FA2H: variants seen among roughly 807,000 people sequenced by gnomAD.
FA2H encodes fatty acid 2-hydroxylase.
In FA2H, 22 loss-of-function variants were observed where a neutral mutation model predicts 44.9. The ratio of observed to expected loss-of-function variants is 0.49; its 90% CI spans 0.35 to 0.70. The LOEUF (loss-of-function observed/expected upper bound fraction) is 0.70, where lower values mean the gene tolerates loss of function less well. Among genes scored for constraint, FA2H ranks in the 30% least tolerant of loss-of-function variants. FA2H has a pLI of 0.01. For synonymous variants in FA2H, 243 were observed against 213.2 expected, an observed-to-expected ratio of 1.14 and a Z score of -1.22; for missense variants, 501 against 504.9, an observed-to-expected ratio of 0.99 and a Z score of 0.07.
Position 74,726,231 on chromosome 16 carries a change from T to A in FA2H, c.607A>T (p.Thr203Ser). ...GGAAAGAAACTGGCATTACCTGTTG[T>A]AAATGACGTGAAGAGTCGGACGTTG... The part of the protein sequence containing the change: ...QGNVRLFTSF[T>S]TEYTVAVPKS... The change falls in exon 4 of 7, where the codon ACA (threonine) becomes TCA (serine). Residue 203 changes from threonine (T) to serine (S), a missense_variant. Thr to Ser is a moderately conservative substitution (Grantham distance 58). Transcript: ENST00000219368. 1 of 1,611,164 alleles carries A rather than the reference T, an allele frequency of 6.2e-7. No homozygotes were observed. Among genetic ancestry groups the A allele is most frequent in the Non-Finnish European group, 8.5e-7 (1 of 1,177,482 alleles).
At chr16:74,741,808 A>ATATATATATGTGTGTGTGTGTGTGTGTG (rs1491185782) in intron 1 of FA2H, among the ~76,000 whole-genome samples, 1 of 48,418 alleles carries the variant, frequency 2.1e-5, no homozygotes, top group African/African-American at 1.1e-4. Flanking sequence ...ATATATATAT[A>ATATATATATGTGTGTGTGTGTGTGTGTG]TGTGTGTGTG....
chr16:74,723,665 T>C (rs1485615388), intron 4 of FA2H, among the ~76,000 whole-genome samples: 1 of 152,132 alleles, frequency 6.6e-6, no homozygotes, highest in Non-Finnish European at 1.5e-5. Flanking sequence ...TGAGAGACCC[T>C]GCTTCCAGAG....
At chr16:74,753,264 A>C (rs1962559372) in intron 1 of FA2H, among the ~76,000 whole-genome samples, 1 of 152,244 alleles carries the variant, frequency 6.6e-6, no homozygotes, top group Non-Finnish European at 1.5e-5. Context: ...CTTAGGCTCC[A>C]GATCCTAGAC....
intron 2 of FA2H, among the ~76,000 whole-genome samples, chr16:74,734,809 C>T (rs576417215): frequency 3.3e-5 from 5 of 152,290 alleles, no homozygotes; most frequent in East Asian, 1.9e-4. Context: ...CGGGGGCAGG[C>T]GGCGGGGGCA....
chr16:74,732,551 C>T (rs1423409239), intron 2 of FA2H, among the ~76,000 whole-genome samples: 5 of 151,974 alleles, frequency 3.3e-5, no homozygotes, highest in African/African-American at 1.2e-4. Flanking sequence ...ATTCTCCTGC[C>T]TCAGCCTCCT....
intron 4 of FA2H, among the ~76,000 whole-genome samples, chr16:74,725,654 G>A (rs1012153585): frequency 1.3e-5 from 2 of 152,196 alleles, no homozygotes; most frequent in South Asian, 2.1e-4. Flanking sequence ...CTGCTGGGAG[G>A]GGTAAATGAG....
intron 1 of FA2H, among the ~76,000 whole-genome samples, chr16:74,748,661 C>T (rs901952071): frequency 6.6e-6 from 1 of 152,078 alleles, no homozygotes; most frequent in Non-Finnish European, 1.5e-5. Context: ...TTTGCTTGGA[C>T]GGCGCACGGG....
chr16:74,734,499 G>A (rs897281524), intron 2 of FA2H, among the ~76,000 whole-genome samples: 2 of 152,230 alleles, frequency 1.3e-5, no homozygotes, highest in African/African-American at 4.8e-5. Flanking sequence ...CGACTGTGTG[G>A]GGTCCATGCC....
At position 74,714,203 on chromosome 16, in the gene FA2H, A is replaced by C; in HGVS notation, c.1106T>G (p.Leu369Arg). Reference sequence around the variant, plus strand: ...GGGTGGGAGTTGTCACTGCGTCTTCAGGTGGGGTTTCTCTGGAGTGAGGGT... The same window carrying C: ...GGGTGGGAGTTGTCACTGCGTCTTCCGGTGGGGTTTCTCTGGAGTGAGGGT... ...FHTLTPEKPHLKTQ is the reference protein window; with the variant it reads ...FHTLTPEKPHRKTQ The change falls in exon 7 of 7, where the codon CTG (leucine) becomes CGG (arginine). Residue 369 changes from leucine (L) to arginine (R), a missense_variant. Transcript: ENST00000219368. 2 of 1,563,634 alleles carry C rather than the reference A, an allele frequency of 1.3e-6. No individual in the cohort carries two copies. Among genetic ancestry groups the C allele is most frequent in the Non-Finnish European group, 1.7e-6 (2 of 1,153,358 alleles).
intron 1 of FA2H, among the ~76,000 whole-genome samples, chr16:74,752,372 C>T (rs766636578): frequency 1.3e-5 from 2 of 152,100 alleles, no homozygotes; most frequent in Non-Finnish European, 2.9e-5. Flanking sequence ...CCATGAGCCC[C>T]ACCAAGTAGG....
chr16:74,770,185 A>AG (rs1962880744), intron 1 of FA2H, among the ~76,000 whole-genome samples: 1 of 152,214 alleles, frequency 6.6e-6, no homozygotes. Flanking sequence ...CTCCAGAGAC[A>AG]GGGGGCTCTA....
chr16:74,720,558 C>G (rs1961813452), intron 4 of FA2H, among the ~76,000 whole-genome samples: 2 of 152,086 alleles, frequency 1.3e-5, no homozygotes, highest in African/African-American at 2.4e-5. Context: ...CATATCTTCT[C>G]TCTTCTTAAC....
chr16:74,754,255 G>A (rs534448988), intron 1 of FA2H, among the ~76,000 whole-genome samples: 1 of 152,170 alleles, frequency 6.6e-6, no homozygotes, highest in South Asian at 2.1e-4. Flanking sequence ...AATTAGCCAG[G>A]TGTGGTGGCA....
intron 1 of FA2H, among the ~76,000 whole-genome samples, chr16:74,757,703 T>C (rs1962633746): frequency 6.6e-6 from 1 of 152,178 alleles, no homozygotes; most frequent in Non-Finnish European, 1.5e-5. Flanking sequence ...GATTCCTTTA[T>C]GTGAGAAATA....
At chr16:74,728,025 A>C (rs1961994803) in intron 2 of FA2H, among the ~76,000 whole-genome samples, 1 of 152,214 alleles carries the variant, frequency 6.6e-6, no homozygotes, top group Admixed American at 6.5e-5. Context: ...TAGTGCTTAC[A>C]GTTAGACTCG....
chr16:74,728,776 CTTTCTT>C (rs1178942545), intron 2 of FA2H, among the ~76,000 whole-genome samples: 1 of 142,028 alleles, frequency 7.0e-6, no homozygotes, highest in Admixed American at 7.1e-5. Flanking sequence ...ATATTTATCT[CTTTCTT>C]TTTTTTTTTT....
At chr16:74,741,413 C>T (rs995855907) in intron 1 of FA2H, 4 of 152,176 alleles carry the variant, frequency 2.6e-5, no homozygotes, top group Admixed American at 2.0e-4. Flanking sequence ...CTTTTGTGGT[C>T]CTTTCTTAGT....
intron 2 of FA2H, among the ~76,000 whole-genome samples, chr16:74,734,213 T>G (rs1318066130): frequency 1.3e-5 from 2 of 152,166 alleles, no homozygotes; most frequent in African/African-American, 4.8e-5. Context: ...ATGCCTCCAC[T>G]TCCCAGGCAT....
intron 2 of FA2H, among the ~76,000 whole-genome samples, chr16:74,738,803 G>T (rs766960441): frequency 5.9e-5 from 9 of 152,234 alleles, no homozygotes; most frequent in Non-Finnish European, 1.3e-4. Flanking sequence ...CCAAGCTGGG[G>T]GTTGAGGTTC....
Sources: gnomAD v4.1 joint callset for allele counts (sites outside exome capture counted in the v4.1 genomes callset) on GRCh38, gnomAD v4.1.1 for gene constraint, MANE v1.5 for transcripts, NCBI Gene and HGNC (gene_info 2026-07-23, HGNC 2026-07-21) for gene names.